The following RAD18 variants were observed in gnomAD, a reference collection of about 807,000 sequenced individuals.
The protein encoded by RAD18 is RAD18 E3 ubiquitin protein ligase.
In RAD18, 47 loss-of-function variants were observed where a neutral mutation model predicts 60.4. The ratio of observed to expected loss-of-function variants is 0.78; its 90% confidence interval spans 0.62 to 0.99. The LOEUF is 0.99. Among genes scored for constraint, RAD18 ranks in the 50% least tolerant of loss-of-function variants. RAD18 has a pLI of 0.00. For missense variants in RAD18, 640 were observed against 593.3 expected (o/e 1.08, Z -0.82); for synonymous variants, 225 against 195.5 (o/e 1.15, Z -1.26).
chr3:8,895,203 C>CA (rs1365512854), intron 11 of RAD18, among the ~76,000 whole-genome samples: 6 of 151,426 alleles, frequency 4.0e-5, no homozygotes, highest in East Asian at 3.9e-4. Flanking sequence ...AATATTCCCA[C>CA]AAAAAAGGCT....
At chr3:8,954,188 G>A (rs1451994827) in intron 2 of RAD18, among the ~76,000 whole-genome samples, 2 of 152,324 alleles carry the variant, frequency 1.3e-5, no homozygotes, top group Admixed American at 1.3e-4. Context: ...ACTGGAGGCA[G>A]ATGCCAACCT....
At chr3:8,940,234 G>T (rs907138066) in intron 5 of RAD18, among the ~76,000 whole-genome samples, 1 of 152,024 alleles carries the variant, frequency 6.6e-6, no homozygotes, top group African/African-American at 2.4e-5. Flanking sequence ...GGGTATCTCG[G>T]GGCCTACAGA....
At chr3:8,943,189 C>A (rs1199482881) in intron 4 of RAD18, among the ~76,000 whole-genome samples, 1 of 152,108 alleles carries the variant, frequency 6.6e-6, no homozygotes. Flanking sequence ...ATGTTCAGCA[C>A]ATATTTTAAA....
chr3:8,884,726 A>G (rs1310008736), intron 12 of RAD18, among the ~76,000 whole-genome samples: 1 of 152,202 alleles, frequency 6.6e-6, no homozygotes, highest in Middle Eastern at 3.2e-3. Context: ...TACTTCTTCC[A>G]CTTCCTTAGC....
chr3:8,936,295 T>C (rs180942331), intron 6 of RAD18, among the ~76,000 whole-genome samples: 37 of 152,234 alleles, frequency 2.4e-4, no homozygotes, highest in African/African-American at 8.4e-4. Context: ...GTGAGAGACT[T>C]GGGTCTCAAA....
chr3:8,903,132 A>C (rs1045769984), intron 9 of RAD18, among the ~76,000 whole-genome samples: 23 of 152,212 alleles, frequency 1.5e-4, no homozygotes, highest in African/African-American at 4.3e-4. Context: ...GCATAAGAAT[A>C]CAAAGGGCTG....
intron 9 of RAD18, among the ~76,000 whole-genome samples, chr3:8,908,872 C>A (rs537209692): frequency 1.3e-5 from 2 of 152,188 alleles, no homozygotes; most frequent in African/African-American, 2.4e-5. Context: ...ATATCCCCAG[C>A]TCCGAGCACA....
chr3:8,899,867 A>G (rs750846664), intron 10 of RAD18, among the ~76,000 whole-genome samples: 2 of 152,170 alleles, frequency 1.3e-5, no homozygotes, highest in African/African-American at 2.4e-5. Flanking sequence ...ATGTGCTAAT[A>G]ATACTACAGA....
intron 2 of RAD18, among the ~76,000 whole-genome samples, chr3:8,955,990 A>G (rs1941003833): frequency 6.6e-6 from 1 of 152,230 alleles, no homozygotes; most frequent in Admixed American, 6.5e-5. Flanking sequence ...ATTTATTAAT[A>G]AGACACAGTA....
rs1939449486 is a variant in RAD18 at position 8,880,972 on chromosome 3, T to A, written c.*385A>T. On this transcript the variant is annotated 3_prime_UTR_variant, in exon 13 of 13. Coordinates refer to ENST00000264926, the MANE Select transcript of RAD18 (RefSeq NM_020165.4). ...TCTTGCAATAAAGAAGTTGAAAGAA[T>A]CCTTTTGTGAGGCTGGATTCTCCAT... is the stretch of plus-strand genomic sequence containing the variant. The A allele has an allele frequency of 6.0e-6, 1 of 167,078 alleles. No homozygotes were observed. The highest frequency in any genetic ancestry group is 6.1e-5 in the Admixed American group (1 of 16,484). 10.3% of individuals were successfully genotyped at this position (167,078 alleles called of 1,614,324 possible).
At position 8,910,848 on chromosome 3, in the gene RAD18, G is replaced by A. The variant is rs553410629; in HGVS notation, c.1027+1464C>T. Among the ~76,000 whole-genome samples, 3 of 152,200 alleles carry A rather than the reference G, an allele frequency of 2.0e-5. No homozygotes were observed. The East Asian group carries it at 5.8e-4, about 29-fold the overall frequency. On this transcript the variant is annotated intron_variant, in intron 9 of 12. Transcript: ENST00000264926. ...TGAAATTGAAAAACTTCAAGAAGTA[G>A]CAGAAAAAATACTTTTTTATAAATT...
intron 10 of RAD18, among the ~76,000 whole-genome samples, chr3:8,899,749 A>G (rs1228767213): frequency 6.6e-6 from 1 of 152,202 alleles, no homozygotes; most frequent in Non-Finnish European, 1.5e-5. Context: ...TCTGTGAAAG[A>G]TTCTTTAGTG....
intron 11 of RAD18, among the ~76,000 whole-genome samples, chr3:8,893,169 G>A (rs148513648): frequency 1.2e-3 from 186 of 152,210 alleles, no homozygotes; most frequent in African/African-American, 4.3e-3. Flanking sequence ...GATTTCCACT[G>A]TTTCTATGAC....
intron 11 of RAD18, among the ~76,000 whole-genome samples, chr3:8,896,910 C>T (rs1287680270): frequency 6.6e-6 from 1 of 151,558 alleles, no homozygotes; most frequent in Non-Finnish European, 1.5e-5. Flanking sequence ...TAGTCAATCA[C>T]TTTAAATTCT....
chr3:8,941,394 T>C, intron 5 of RAD18, 73 bp downstream of exon 5: 2 of 1,301,428 alleles, frequency 1.5e-6, no homozygotes, highest in Non-Finnish European at 2.1e-6. Flanking sequence ...CCCTCAAAGA[T>C]GCTGCCTATT....
At chr3:8,908,532 G>A (rs901420472) in intron 9 of RAD18, among the ~76,000 whole-genome samples, 1 of 152,096 alleles carries the variant, frequency 6.6e-6, no homozygotes, top group Admixed American at 6.6e-5. Flanking sequence ...ATGGCCCTGA[G>A]AAGCTCGGGA....
chr3:8,915,514 T>C (rs142624271), intron 7 of RAD18, among the ~76,000 whole-genome samples: 13 of 151,806 alleles, frequency 8.6e-5, no homozygotes, highest in African/African-American at 3.1e-4. Flanking sequence ...AAGGGTGAGC[T>C]ACCATGAAAA....
Position 8,878,073 on chromosome 3 carries a change from TTCCAGCAGGGCCA to T in RAD18, c.*3271_*3283del, listed in dbSNP as rs1939394883. The T allele has an allele frequency of 6.6e-6, 1 of 152,178 alleles. No individual in the cohort carries two copies. The highest frequency in any genetic ancestry group is 2.4e-5 in the African/African-American group (1 of 41,372). The allele number at this position is 152,178 out of a possible 1,614,324, so 9.4% of individuals were successfully genotyped here. A position where few individuals can be genotyped will look rare whatever the true frequency, so the allele number is the denominator to read the frequency against. Reference sequence around the variant, plus strand: ...ATGGCGTCCTAGGCAAGGTAGGACTTTCCAGCAGGGCCAGCCGCAGTGCACGTGACAGAGCAGC... The same window carrying T: ...ATGGCGTCCTAGGCAAGGTAGGACTTGCCGCAGTGCACGTGACAGAGCAGC... On this transcript the variant is annotated 3_prime_UTR_variant, in exon 13 of 13. Transcript: ENST00000264926.
chr3:8,900,848 T>A (rs968902535), intron 10 of RAD18, among the ~76,000 whole-genome samples: 1 of 152,132 alleles, frequency 6.6e-6, no homozygotes, highest in Non-Finnish European at 1.5e-5. Context: ...AAAGCAGCAA[T>A]CACCTCTGAA....
Sources: gnomAD v4.1 joint callset for allele counts (sites outside exome capture counted in the v4.1 genomes callset) on GRCh38, gnomAD v4.1.1 for gene constraint, MANE v1.5 for transcripts, NCBI Gene and HGNC (gene_info 2026-07-23, HGNC 2026-07-21) for gene names.